PTPRD: variants seen among roughly 807,000 people sequenced by gnomAD.
PTPRD encodes receptor-type tyrosine-protein phosphatase delta.
In PTPRD, 34 loss-of-function variants were observed where a neutral mutation model predicts 214.5. The ratio of observed to expected loss-of-function variants is 0.16; its 90% CI spans 0.12 to 0.21. The LOEUF (loss-of-function observed/expected upper bound fraction) is 0.21. PTPRD is among the 10% of genes least tolerant of loss of function. PTPRD has a pLI of 1.00. For missense variants in PTPRD, 2,545 were observed against 2,398.7 expected (o/e 1.06, Z -1.27); for synonymous variants, 1,128 against 845.7 (o/e 1.33, Z -5.79).
chr9:10,432,527 A>T (rs1452177011), intron 2 of PTPRD, among the ~76,000 whole-genome samples: 3 of 151,950 alleles, frequency 2.0e-5, no homozygotes, highest in Non-Finnish European at 4.4e-5. Flanking sequence ...ATTCTTCACC[A>T]AAAGCTGGCA....
chr9:10,543,949 G>C (rs1401968594), intron 2 of PTPRD, among the ~76,000 whole-genome samples: 1 of 152,084 alleles, frequency 6.6e-6, no homozygotes, highest in East Asian at 1.9e-4. Flanking sequence ...AGGTAGAGGA[G>C]GGCAGCAATA....
At chr9:9,523,503 A>C (rs577389576) in intron 8 of PTPRD, among the ~76,000 whole-genome samples, 1 of 151,928 alleles carries the variant, frequency 6.6e-6, no homozygotes, top group South Asian at 2.1e-4. Flanking sequence ...TTGACACAAC[A>C]TATTTATCTA....
chr9:10,599,121 C>G (rs149634171), intron 2 of PTPRD, among the ~76,000 whole-genome samples: 13 of 151,730 alleles, frequency 8.6e-5, no homozygotes, highest in African/African-American at 3.1e-4. Context: ...TCCTTGATTT[C>G]AATTTAGTCC....
chr9:8,878,475 C>G (rs1199657815), intron 11 of PTPRD, among the ~76,000 whole-genome samples: 1 of 151,784 alleles, frequency 6.6e-6, no homozygotes, highest in African/African-American at 2.4e-5. Flanking sequence ...GAGAAGTGCT[C>G]TGTTGATTAT....
At chr9:8,601,044 C>G (rs1415518530) in intron 14 of PTPRD, among the ~76,000 whole-genome samples, 1 of 152,048 alleles carries the variant, frequency 6.6e-6, no homozygotes, top group African/African-American at 2.4e-5. Context: ...GAGTCCCAGT[C>G]CTGGCAGCCA....
At chr9:10,182,082 G>A (rs2099295856) in intron 3 of PTPRD, among the ~76,000 whole-genome samples, 1 of 147,578 alleles carries the variant, frequency 6.8e-6, no homozygotes, top group Admixed American at 6.8e-5. Flanking sequence ...GGTGAAACCT[G>A]TCTCTACTAA....
At chr9:10,429,228 T>C (rs1164934385) in intron 2 of PTPRD, among the ~76,000 whole-genome samples, 1 of 151,928 alleles carries the variant, frequency 6.6e-6, no homozygotes, top group Non-Finnish European at 1.5e-5. Context: ...TTCTACACTG[T>C]TGGTAGGAAT....
intron 11 of PTPRD, among the ~76,000 whole-genome samples, chr9:8,866,196 C>A (rs1327236685): frequency 6.6e-6 from 1 of 152,080 alleles, no homozygotes; most frequent in Non-Finnish European, 1.5e-5. Context: ...AAAGGCAAAC[C>A]AAAACTATTC....
chr9:9,045,788 GA>G (rs968726322), intron 10 of PTPRD, among the ~76,000 whole-genome samples: 3 of 151,742 alleles, frequency 2.0e-5, no homozygotes, highest in African/African-American at 7.3e-5. Flanking sequence ...TGTTAAGGAG[GA>G]AAAAAAAGTA....
At chr9:10,162,610 C>A (rs1030986554) in intron 3 of PTPRD, among the ~76,000 whole-genome samples, 2 of 147,894 alleles carry the variant, frequency 1.4e-5, no homozygotes, top group Non-Finnish European at 1.5e-5. Flanking sequence ...TTTATACGTA[C>A]GTATATACAC....
At chr9:9,957,407 A>T (rs1566718309) in intron 4 of PTPRD, among the ~76,000 whole-genome samples, 1 of 152,302 alleles carries the variant, frequency 6.6e-6, no homozygotes, top group South Asian at 2.1e-4. Flanking sequence ...AAAATTATTA[A>T]TGTTTCAAAG....
rs920140149 is a variant in PTPRD at position 10,331,343 on chromosome 9, G to A, written c.-545+9620C>T. Among the ~76,000 whole-genome samples, 60 of 151,926 alleles carry A rather than the reference G, an allele frequency of 3.9e-4. 1 individual carries two copies. Among genetic ancestry groups the A allele is most frequent in the African/African-American group, 1.4e-3 (58 of 41,516 alleles). On this transcript the variant is annotated intron_variant, in intron 3 of 45. Coordinates refer to ENST00000381196, the MANE Select transcript of PTPRD (RefSeq NM_002839.4). ...GGCATTGAGAAGACTATTAATAGAAGCTTGTCTAGCTTGAAGGAGGCTGTC... is the reference window on the plus strand; with the variant it reads ...GGCATTGAGAAGACTATTAATAGAAACTTGTCTAGCTTGAAGGAGGCTGTC...
At chr9:8,843,243 G>C (rs748451283) in intron 11 of PTPRD, among the ~76,000 whole-genome samples, 1 of 152,138 alleles carries the variant, frequency 6.6e-6, no homozygotes, top group African/African-American at 2.4e-5. Flanking sequence ...ACATCGGGCT[G>C]GTACAAAATC....
chr9:10,299,381 A>C (rs1045197277), intron 3 of PTPRD, among the ~76,000 whole-genome samples: 1 of 152,158 alleles, frequency 6.6e-6, no homozygotes, highest in Admixed American at 6.6e-5. Context: ...CTGGAAGGCA[A>C]GGGACTGAGA....
At chr9:8,615,183 A>G (rs1045741911) in intron 14 of PTPRD, among the ~76,000 whole-genome samples, 5 of 152,110 alleles carry the variant, frequency 3.3e-5, no homozygotes, top group African/African-American at 1.2e-4. Context: ...CCAACTTCAA[A>G]GGCTATATTA....
intron 9 of PTPRD, among the ~76,000 whole-genome samples, chr9:9,249,870 G>T (rs906405898): frequency 6.6e-6 from 1 of 152,018 alleles, no homozygotes; most frequent in Admixed American, 6.6e-5. Context: ...GACTTCAGTG[G>T]TTTCAGGTAA....
chr9:10,381,706 C>A (rs776626693), intron 2 of PTPRD, among the ~76,000 whole-genome samples: 19 of 151,922 alleles, frequency 1.3e-4, no homozygotes, highest in Non-Finnish European at 1.0e-4. Context: ...TTACCACATA[C>A]AAAGTTATCT....
chr9:9,636,507 G>A lies in PTPRD; in HGVS notation c.-286-61726C>T, dbSNP rs561949575. On this transcript the variant is annotated intron_variant, in intron 7 of 45. Coordinates refer to ENST00000381196, the MANE Select transcript of PTPRD (RefSeq NM_002839.4). ...ATTGATATAGATATACACATACACA[G>A]AGCCTCAACTTGGTCAATGAGATAT... 1.1e-4 allele frequency among the ~76,000 whole-genome samples: 16 copies of A among 152,006 alleles called. No individual in the cohort carries two copies. The South Asian group carries it at 2.9e-3, about 28-fold the overall frequency.
chr9:8,392,709 C>T (rs2090000941), intron 36 of PTPRD, among the ~76,000 whole-genome samples: 2 of 152,112 alleles, frequency 1.3e-5, no homozygotes. Context: ...TCTGGCAAAT[C>T]TCTTTACGCG....
Sources: gnomAD v4.1 joint callset for allele counts (sites outside exome capture counted in the v4.1 genomes callset) on GRCh38, gnomAD v4.1.1 for gene constraint, MANE v1.5 for transcripts, NCBI Gene and HGNC (gene_info 2026-07-23, HGNC 2026-07-21) for gene names.